GPM6B: variants seen among roughly 807,000 people sequenced by gnomAD.
GPM6B encodes the protein glycoprotein M6B.
GPM6B carries 4 observed loss-of-function variants against 27.2 expected under a neutral mutation model. The observed-to-expected ratio is 0.15, with a 90% confidence interval of 0.07 to 0.34. The LOEUF (loss-of-function observed/expected upper bound fraction) is 0.34. GPM6B is among the 10% of genes least tolerant of loss of function. The pLI is 1.00. For synonymous variants in GPM6B, 124 were observed against 103.1 expected, an observed-to-expected ratio of 1.20 and a Z score of -1.23; for missense variants, 183 against 261.9, an observed-to-expected ratio of 0.70 and a Z score of 2.08.
At chrX:13,875,884 G>C (rs1187135262) in intron 1 of GPM6B, among the ~76,000 whole-genome samples, 2 of 111,808 alleles carry the variant, frequency 1.8e-5, no homozygotes, top group Admixed American at 9.5e-5. Flanking sequence ...GATGGGGAGT[G>C]ACTGCTTAAT....
intron 1 of GPM6B, among the ~76,000 whole-genome samples, chrX:13,816,596 G>A (rs2049238923): frequency 9.0e-6 from 1 of 111,192 alleles, no homozygotes; most frequent in African/African-American, 3.3e-5. Flanking sequence ...AGCCCAAGGT[G>A]ACAAACTATA....
chrX:13,860,370 G>A (rs187150661), intron 1 of GPM6B, among the ~76,000 whole-genome samples: 34 of 108,998 alleles, frequency 3.1e-4, no homozygotes, highest in Admixed American at 5.9e-4. Flanking sequence ...GAAAGATTCA[G>A]TATAAGAAAT....
intron 2 of GPM6B, among the ~76,000 whole-genome samples, chrX:13,805,979 GT>G (rs771722808): frequency 2.8e-5 from 3 of 108,806 alleles, no homozygotes; most frequent in Non-Finnish European, 5.8e-5. Context: ...ACATCTCATG[GT>G]TTTTTTTGCT....
intron 1 of GPM6B, among the ~76,000 whole-genome samples, chrX:13,914,599 G>A (rs953827249): frequency 8.9e-6 from 1 of 112,787 alleles, no homozygotes; most frequent in African/African-American, 3.2e-5. Flanking sequence ...CCCCTTTGGG[G>A]AGGAGTGTCC....
At position 13,931,505 on chromosome X, in the gene GPM6B, G is replaced by GA. The variant is rs200335617; in HGVS notation, c.-198+6821dup. Among the ~76,000 whole-genome samples, 928 of 109,278 alleles carry GA rather than the reference G, an allele frequency of 8.5e-3. 9 individuals are homozygous for GA. Among genetic ancestry groups the GA allele is most frequent in the African/African-American group, 0.029 (869 of 30,045 alleles). The allele number at this position is 109,278 out of a possible 115,157, so 94.9% of individuals were successfully genotyped here. ...TCCTTCTCAAAAAAAAAAGAAAAAA[G>GA]AAAAAAAGAAAAATAAATAAATAAA... On this transcript the variant is annotated intron_variant, in intron 1 of 6. Coordinates refer to the GPM6B transcript ENST00000398361.
At chrX:13,794,187 T>TCTC (rs11455413) in intron 2 of GPM6B, among the ~76,000 whole-genome samples, 1 of 97,926 alleles carries the variant, frequency 1.0e-5, no homozygotes, top group African/African-American at 4.0e-5. Flanking sequence ...TCTCTCTCTC[T>TCTC]TTTTTTTTTT....
intron 1 of GPM6B, among the ~76,000 whole-genome samples, chrX:13,825,930 T>C (rs1484919010): frequency 9.0e-6 from 1 of 111,613 alleles, no homozygotes; most frequent in Non-Finnish European, 1.9e-5. Flanking sequence ...CAGGATGTGA[T>C]GCTTCTCCTT....
chrX:13,849,444 C>T (rs2049688650), intron 1 of GPM6B, among the ~76,000 whole-genome samples: 1 of 112,457 alleles, frequency 8.9e-6, no homozygotes, highest in Non-Finnish European at 1.9e-5. Context: ...CAGTCATTGC[C>T]ATTGCCTGGA....
chrX:13,899,277 G>C (rs919965708), intron 1 of GPM6B, among the ~76,000 whole-genome samples: 6 of 107,869 alleles, frequency 5.6e-5, no homozygotes, highest in African/African-American at 1.7e-4. Context: ...CATGCGTGGT[G>C]GTGGGCGCCT....
chrX:13,780,345 G>A (rs769425093), intron 4 of GPM6B, among the ~76,000 whole-genome samples: 8 of 111,926 alleles, frequency 7.1e-5, no homozygotes, highest in South Asian at 7.5e-4. Flanking sequence ...CTAAATAGCC[G>A]TTCTGAAAAT....
At chrX:13,929,555 T>C (rs1921379127) in intron 1 of GPM6B, among the ~76,000 whole-genome samples, 2 of 112,225 alleles carry the variant, frequency 1.8e-5, no homozygotes, top group South Asian at 7.4e-4. Flanking sequence ...ACAATGCTAC[T>C]ACTCAGATTT....
At chrX:13,914,954 C>T (rs749114287) in intron 1 of GPM6B, among the ~76,000 whole-genome samples, 13 of 110,895 alleles carry the variant, frequency 1.2e-4, no homozygotes, top group African/African-American at 4.3e-4. Flanking sequence ...ACTACTTTCC[C>T]CAGATCTAAC....
intron 3 of GPM6B, among the ~76,000 whole-genome samples, chrX:13,785,064 C>T (rs146422857): frequency 0.023 from 2,565 of 111,264 alleles, 66 homozygotes; most frequent in African/African-American, 0.067. Context: ...CCACAGCTAC[C>T]ATGTGTGGAG....
At chrX:13,802,724 G>A (rs773262682) in intron 2 of GPM6B, among the ~76,000 whole-genome samples, 2 of 111,668 alleles carry the variant, frequency 1.8e-5, no homozygotes, top group South Asian at 3.8e-4. Context: ...GGGACTTTAC[G>A]GCATGAGCCT....
intron 1 of GPM6B, among the ~76,000 whole-genome samples, chrX:13,913,756 A>G (rs967662542): frequency 9.0e-6 from 1 of 110,998 alleles, no homozygotes; most frequent in Non-Finnish European, 1.9e-5. Flanking sequence ...CCTTTTCTCC[A>G]TCATGAATTT....
chrX:13,797,235 T>C, intron 2 of GPM6B, among the ~76,000 whole-genome samples: 1 of 111,160 alleles, frequency 9.0e-6, no homozygotes, highest in Non-Finnish European at 1.9e-5. Flanking sequence ...CTTTGATCCT[T>C]GTGGGTGGGG....
chrX:13,839,387 T>C (rs1287740890), intron 1 of GPM6B, among the ~76,000 whole-genome samples: 2 of 111,934 alleles, frequency 1.8e-5, no homozygotes, highest in Non-Finnish European at 1.9e-5. Flanking sequence ...ATCAAGCTAT[T>C]ACCCAATCAC....
chrX:13,778,909 TGTAAG>T (rs1183868489), intron 5 of GPM6B, among the ~76,000 whole-genome samples: 6 of 112,056 alleles, frequency 5.4e-5, no homozygotes, highest in African/African-American at 1.9e-4. Flanking sequence ...AGTATTATGT[TGTAAG>T]GTAAGATGTT....
chrX:13,789,224 A>G (rs1166442455), intron 2 of GPM6B, among the ~76,000 whole-genome samples: 1 of 111,900 alleles, frequency 8.9e-6, no homozygotes, highest in Non-Finnish European at 1.9e-5. Flanking sequence ...CAATCTATAA[A>G]TGGATCACTC....
Sources: allele counts gnomAD v4.1 joint callset (sites outside exome capture counted in the v4.1 genomes callset), GRCh38; gene constraint gnomAD v4.1.1; transcripts MANE v1.5; gene names NCBI Gene and HGNC (gene_info 2026-07-23, HGNC 2026-07-21).